Variants in LAMA2 observed in about 807,000 individuals in gnomAD.
LAMA2 encodes laminin subunit alpha-2.
In LAMA2, 269 loss-of-function variants were observed where a neutral mutation model predicts 364.8. That is an observed-to-expected ratio of 0.74 (90% CI 0.67 to 0.82). LAMA2 has a LOEUF of 0.82. Ranked by LOEUF, LAMA2 falls within the 40% of genes least tolerant of loss-of-function variation. The pLI is 0.00. For missense variants in LAMA2, 3,807 were observed against 3,873.2 expected (o/e 0.98, Z 0.45); for synonymous variants, 1,379 against 1,370.6 (o/e 1.01, Z -0.14).
chr6:129,498,658 C>CATTT (rs1424081271), intron 58 of LAMA2, among the ~76,000 whole-genome samples: 1 of 152,148 alleles, frequency 6.6e-6, no homozygotes, highest in East Asian at 1.9e-4. Flanking sequence ...TTTTAGCCCA[C>CATTT]ATTTATTAGA....
intron 64 of LAMA2, among the ~76,000 whole-genome samples, 183 bp downstream of exon 64, chr6:129,514,778 T>C (rs977066324): frequency 6.6e-6 from 1 of 152,244 alleles, no homozygotes; most frequent in African/African-American, 2.4e-5. Context: ...ATATTACTTA[T>C]ATAAACCACA....
intron 20 of LAMA2, among the ~76,000 whole-genome samples, chr6:129,292,131 G>A (rs1789747397): frequency 6.6e-6 from 1 of 152,204 alleles, no homozygotes; most frequent in South Asian, 2.1e-4. Context: ...TGGATCACGA[G>A]GTCAGGAGTT....
rs576576326 is a variant in LAMA2 at position 129,328,827 on chromosome 6, T to G, written c.4311+415T>G. On this transcript the variant is annotated intron_variant, in intron 29 of 64. Transcript: ENST00000421865. ...ATTTCCCACCAATTTTTACATGTGT[T>G]TATGAATAAGATTTATATAACACCA... 2.6e-5 allele frequency among the ~76,000 whole-genome samples: 4 copies of G among 152,346 alleles called. No homozygotes were observed. The South Asian group carries it at 6.2e-4, about 24-fold the overall frequency.
intron 27 of LAMA2, among the ~76,000 whole-genome samples, chr6:129,316,840 C>T (rs575648363): frequency 3.3e-5 from 5 of 152,182 alleles, no homozygotes; most frequent in African/African-American, 1.2e-4. Flanking sequence ...GTCTCAGTGT[C>T]CTGGGGCAGA....
chr6:129,258,496 A>G (rs917772472), intron 14 of LAMA2, among the ~76,000 whole-genome samples: 1 of 152,040 alleles, frequency 6.6e-6, no homozygotes, highest in Non-Finnish European at 1.5e-5. Context: ...TTGTTAGTTT[A>G]CAGGGGTTAG....
chr6:129,370,203 G>A (rs1777996202), intron 34 of LAMA2, among the ~76,000 whole-genome samples: 1 of 152,174 alleles, frequency 6.6e-6, no homozygotes, highest in Non-Finnish European at 1.5e-5. Context: ...AATTGTCAAT[G>A]GCTAAAAAGT....
rs1444382523 is a variant in LAMA2, at chr6:129,403,825, C to T, written c.5731C>T (p.Leu1911Phe). ...TTTTTTGAATCATCCCACCAGAATC[C>T]TTGATGAGGCTAAAAACATCTCCTT... ...NDSSAVLDGI[L>F]DEAKNISFNA... The change falls in exon 40 of 65, where the codon CTT (leucine) becomes TTT (phenylalanine). Residue 1911 changes from leucine (L) to phenylalanine (F), a missense_variant. Physicochemically the swap from Leu to Phe is conservative, Grantham distance 22. Around this residue, in one of 3 missense-constraint regions of LAMA2, gnomAD observed 3,333 missense variants for 3,345.7 expected, o/e 1.00. Coordinates refer to ENST00000421865, the MANE Select transcript of LAMA2 (RefSeq NM_000426.4). 1.2e-6 allele frequency: 2 copies of T among 1,613,318 alleles called. No homozygotes were observed. The highest frequency in any genetic ancestry group is 1.1e-5 in the South Asian group (1 of 91,056).
At chr6:129,463,675 T>C (rs1783384106) in intron 49 of LAMA2, among the ~76,000 whole-genome samples, 2 of 152,080 alleles carry the variant, frequency 1.3e-5, no homozygotes, top group African/African-American at 2.4e-5. Flanking sequence ...TTTGCTATAC[T>C]AAAATCTTTG....
intron 3 of LAMA2, among the ~76,000 whole-genome samples, chr6:129,080,350 C>T (rs1773959245): frequency 6.6e-6 from 1 of 152,108 alleles, no homozygotes; most frequent in African/African-American, 2.4e-5. Context: ...ATCAGGGCTT[C>T]TCTGATATAT....
chr6:129,297,723 T>C lies in LAMA2; in HGVS notation c.2895T>C (p.Val965=), dbSNP rs1583440814. Residue 965 remains valine (V), a synonymous_variant, in exon 21 of 65, where the codon GTT becomes GTC. Transcript: ENST00000421865. ...TFGLQSARGC[V]PCNCNSFGSK... ...GCCTACAATCAGCAAGGGGCTGTGT[T>C]CCCTGCAACTGCAATTCTTTTGGGT... 2 of 1,614,008 alleles carry C rather than the reference T, an allele frequency of 1.2e-6. No homozygotes were observed. Among genetic ancestry groups the C allele is most frequent in the Admixed American group, 1.7e-5 (1 of 60,012 alleles).
intron 1 of LAMA2, among the ~76,000 whole-genome samples, chr6:128,993,612 G>T (rs138028250): frequency 6.6e-6 from 1 of 151,996 alleles, no homozygotes; most frequent in Non-Finnish European, 1.5e-5. Context: ...GTTGACAGTC[G>T]TGGTATATGA....
intron 3 of LAMA2, among the ~76,000 whole-genome samples, chr6:129,068,232 GCTT>G (rs1377232049): frequency 2.0e-5 from 3 of 152,198 alleles, no homozygotes; most frequent in African/African-American, 7.2e-5. Flanking sequence ...ATTTCACTGT[GCTT>G]CTTATGATAA....
At chr6:128,899,067 TC>T (rs1213459740) in intron 1 of LAMA2, among the ~76,000 whole-genome samples, 1 of 152,248 alleles carries the variant, frequency 6.6e-6, no homozygotes, top group East Asian at 1.9e-4. Flanking sequence ...TAAATGTTTA[TC>T]TTGAATACCC....
intron 56 of LAMA2, among the ~76,000 whole-genome samples, chr6:129,488,874 G>A (rs1024565825): frequency 6.6e-6 from 1 of 152,154 alleles, no homozygotes; most frequent in Non-Finnish European, 1.5e-5. Flanking sequence ...GGCATGATTT[G>A]TGTCACATAC....
At chr6:129,290,713 T>G (rs1430147896) in intron 19 of LAMA2, among the ~76,000 whole-genome samples, 1 of 152,200 alleles carries the variant, frequency 6.6e-6, no homozygotes, top group Admixed American at 6.5e-5. Flanking sequence ...GGGTACATAG[T>G]AAACAATTAA....
chr6:129,270,641 A>G lies in LAMA2; in HGVS notation c.2340A>G (p.Thr780=). Residue 780 remains threonine, a synonymous_variant, in exon 17 of 65, where the codon ACA becomes ACG. Transcript: ENST00000421865. Reference sequence around the variant, plus strand: ...TTTCTCAGAACTGTAAGGATCACACAGGTGGCCCATATTGTGATAAATGTC... The same window carrying G: ...TTTCTCAGAACTGTAAGGATCACACGGGTGGCCCATATTGTGATAAATGTC... ...TGECLNCKDH[T]GGPYCDKCLP... The G allele has an allele frequency of 1.2e-6, 2 of 1,613,006 alleles. No individual in the cohort carries two copies. Among genetic ancestry groups the G allele is most frequent in the Non-Finnish European group, 8.5e-7 (1 of 1,179,288 alleles).
At position 128,911,159 on chromosome 6, in the gene LAMA2, C is replaced by CTACA. The variant is rs534023337; in HGVS notation, c.112+27803_112+27806dup. ...GCAGGCCTCCTTGAGCTGTGGTGGG[C>CTACA]TACACCCAGTTCGAGCTTCCCGGCT... On this transcript the variant is annotated intron_variant, in intron 1 of 64. Coordinates refer to ENST00000421865, the MANE Select transcript of LAMA2 (RefSeq NM_000426.4). Among the ~76,000 whole-genome samples, 659 of 152,262 alleles carry CTACA rather than the reference C, an allele frequency of 4.3e-3. 6 individuals are homozygous for CTACA. The highest frequency in any genetic ancestry group is 0.015 in the African/African-American group (615 of 41,524).
intron 37 of LAMA2, among the ~76,000 whole-genome samples, chr6:129,398,103 A>G (rs1042240890): frequency 6.6e-6 from 1 of 152,238 alleles, no homozygotes; most frequent in Admixed American, 6.5e-5. Flanking sequence ...ACGTGTGGAA[A>G]TATCTTCCCT....
chr6:129,451,765 G>A (rs1358900320), intron 45 of LAMA2, among the ~76,000 whole-genome samples: 1 of 152,194 alleles, frequency 6.6e-6, no homozygotes, highest in East Asian at 1.9e-4. Context: ...CAGTATACTT[G>A]CATGACCCTT....
Sources: gnomAD v4.1 joint callset for allele counts (sites outside exome capture counted in the v4.1 genomes callset) on GRCh38, gnomAD v4.1.1 for gene constraint, gnomAD v4.1.1 regional missense constraint, MANE v1.5 for transcripts, NCBI Gene and HGNC (gene_info 2026-07-23, HGNC 2026-07-21) for gene names.